The following KLHL32 variants were observed in gnomAD, a reference collection of about 807,000 sequenced individuals.
KLHL32 encodes the protein kelch-like protein 32.
KLHL32 carries 35 observed loss-of-function variants against 64.8 expected under a neutral mutation model. That is an observed-to-expected ratio of 0.54 (90% CI 0.41 to 0.72). KLHL32 has a LOEUF of 0.72. Among genes scored for constraint, KLHL32 ranks in the 30% least tolerant of loss-of-function variants. KLHL32 has a pLI of 0.00. For missense variants in KLHL32, 589 were observed against 768.5 expected (o/e 0.77, Z 2.76); for synonymous variants, 259 against 281.0 (o/e 0.92, Z 0.78).
intron 3 of KLHL32, among the ~76,000 whole-genome samples, chr6:96,996,706 CAAT>C (rs1245423272): frequency 2.0e-5 from 3 of 151,988 alleles, no homozygotes; most frequent in Non-Finnish European, 4.4e-5. Flanking sequence ...CAAGCAATAA[CAAT>C]AATAACTAAT....
At chr6:96,950,740 G>A (rs181605979) in intron 1 of KLHL32, among the ~76,000 whole-genome samples, 8 of 152,284 alleles carry the variant, frequency 5.3e-5, no homozygotes, top group African/African-American at 9.6e-5. Flanking sequence ...TAGCATGTTC[G>A]TCACACCAAT....
At chr6:96,994,068 T>C (rs1001208837) in intron 3 of KLHL32, among the ~76,000 whole-genome samples, 2 of 152,238 alleles carry the variant, frequency 1.3e-5, no homozygotes, top group Non-Finnish European at 2.9e-5. Flanking sequence ...GGCTGTTTGC[T>C]ATAGAAACAT....
chr6:97,071,936 T>C (rs960205669), intron 5 of KLHL32, among the ~76,000 whole-genome samples: 2 of 152,182 alleles, frequency 1.3e-5, no homozygotes, highest in South Asian at 2.1e-4. Flanking sequence ...TTCCCTAAAA[T>C]CCAAGCTAGC....
intron 3 of KLHL32, among the ~76,000 whole-genome samples, chr6:97,040,834 A>G (rs1371430612): frequency 6.6e-6 from 1 of 152,128 alleles, no homozygotes; most frequent in Non-Finnish European, 1.5e-5. Context: ...ATGGTTTTAT[A>G]AAGGGCTCTT....
At chr6:96,979,455 C>T (rs1776058155) in intron 3 of KLHL32, among the ~76,000 whole-genome samples, 1 of 152,178 alleles carries the variant, frequency 6.6e-6, no homozygotes, top group Non-Finnish European at 1.5e-5. Context: ...TGTAGGTGTG[C>T]AGCTTTATTT....
At chr6:96,903,008 G>C in the KLHL32 span, among the ~76,000 whole-genome samples, 1 of 152,082 alleles carries the variant, frequency 6.6e-6, no homozygotes, top group South Asian at 2.1e-4. Flanking sequence ...AGAATAGTTT[G>C]AAGTCAGGTA....
Position 96,990,849 on chromosome 6 carries a change from T to G in KLHL32, c.204+14672T>G, listed in dbSNP as rs185566033. ...TCTTCTCTTTAAGATGGCTGTGGTT[T>G]CTGGAGGTGTAGGTAAAGCACTTAA... On this transcript the variant is annotated intron_variant, in intron 3 of 10. Transcript: ENST00000369261. Among the ~76,000 whole-genome samples, 203 of 152,208 alleles carry G rather than the reference T, an allele frequency of 1.3e-3. 1 individual carries two copies. The highest frequency in any genetic ancestry group is 4.7e-3 in the African/African-American group (195 of 41,538).
At chr6:97,017,650 G>A (rs1582724158) in intron 3 of KLHL32, among the ~76,000 whole-genome samples, 1 of 152,138 alleles carries the variant, frequency 6.6e-6, no homozygotes. Flanking sequence ...GGCAGAGATG[G>A]CCAGCCAATT....
intron 1 of KLHL32, among the ~76,000 whole-genome samples, chr6:96,960,409 C>A (rs1322452960): frequency 1.3e-5 from 2 of 152,194 alleles, no homozygotes; most frequent in Non-Finnish European, 2.9e-5. Context: ...GTATGTAAGG[C>A]CAAGTTCTAA....
intron 1 of KLHL32, among the ~76,000 whole-genome samples, chr6:96,952,742 A>G (rs916559384): frequency 1.3e-4 from 20 of 152,186 alleles, no homozygotes; most frequent in Admixed American, 1.2e-3. Context: ...TCACAAGGTG[A>G]TCACAAGATT....
chr6:96,942,612 C>T (rs1425645443), intron 1 of KLHL32, among the ~76,000 whole-genome samples: 1 of 151,156 alleles, frequency 6.6e-6, no homozygotes, highest in Non-Finnish European at 1.5e-5. Context: ...ATCTTTTATC[C>T]CACTTCAGGA....
chr6:97,027,804 G>C (rs530858055), intron 3 of KLHL32, among the ~76,000 whole-genome samples: 69 of 152,216 alleles, frequency 4.5e-4, no homozygotes, highest in African/African-American at 1.6e-3. Flanking sequence ...ACAAAACTTC[G>C]AGCATTGGCT....
chr6:96,967,014 C>T lies in KLHL32; in HGVS notation c.-47C>T. ...TATTCAGCTGGAATGCTTGCTGATT[C>T]CTCTGCACACTTCTAAGGCTGAGAA... On this transcript the variant is annotated 5_prime_UTR_variant, in exon 2 of 11. Coordinates refer to ENST00000369261, the MANE Select transcript of KLHL32 (RefSeq NM_052904.4). 6.3e-7 allele frequency: 1 copy of T among 1,587,166 alleles called. No individual in the cohort carries two copies. Among genetic ancestry groups the T allele is most frequent in the Non-Finnish European group, 8.7e-7 (1 of 1,155,976 alleles).
At chr6:97,030,582 T>G (rs1432086762) in intron 3 of KLHL32, among the ~76,000 whole-genome samples, 1 of 152,224 alleles carries the variant, frequency 6.6e-6, no homozygotes, top group Non-Finnish European at 1.5e-5. Context: ...AGACAAAATC[T>G]TGTGAACCAA....
chr6:97,000,936 ACTAT>A (rs1191834874), intron 3 of KLHL32, among the ~76,000 whole-genome samples: 4 of 152,212 alleles, frequency 2.6e-5, no homozygotes, highest in Admixed American at 6.5e-5. Context: ...GTCTAAAAAG[ACTAT>A]CTATTCTATG....
chr6:97,069,422 C>T (rs1270772613), intron 5 of KLHL32, among the ~76,000 whole-genome samples: 2 of 142,784 alleles, frequency 1.4e-5, no homozygotes, highest in Non-Finnish European at 1.5e-5. Flanking sequence ...TTTTTTGTAC[C>T]AATGGCAATT....
chr6:97,072,280 G>A (rs1790869839), intron 5 of KLHL32, among the ~76,000 whole-genome samples: 1 of 152,012 alleles, frequency 6.6e-6, no homozygotes, highest in Non-Finnish European at 1.5e-5. Flanking sequence ...TTATTTTATG[G>A]ACTAAAGCAA....
intron 3 of KLHL32, among the ~76,000 whole-genome samples, chr6:96,998,011 A>T (rs1446055166): frequency 6.6e-6 from 1 of 152,182 alleles, no homozygotes; most frequent in East Asian, 1.9e-4. Context: ...TGTTTATTAC[A>T]TAAAGGATAA....
In KLHL32 at chr6:96,976,572, G is replaced by GAT. The variant is rs539256924; in HGVS notation, c.204+408_204+409dup. Among the ~76,000 whole-genome samples the GAT allele has an allele frequency of 8.3e-3, 1,257 of 151,538 alleles. 11 individuals carry two copies. The highest frequency in any genetic ancestry group is 0.012 in the Non-Finnish European group (786 of 67,824). ...GTCTTTAAGTATATGTATTGTTTCG[G>GAT]ATATATATATATATTTTTGTTTTGT... is the stretch of plus-strand genomic sequence containing the variant. On this transcript the variant is annotated intron_variant, in intron 3 of 10. Transcript: ENST00000369261.
Sources: gnomAD v4.1 joint callset for allele counts (sites outside exome capture counted in the v4.1 genomes callset) on GRCh38, gnomAD v4.1.1 for gene constraint, MANE v1.5 for transcripts, NCBI Gene and HGNC (gene_info 2026-07-23, HGNC 2026-07-21) for gene names.